Variants in IL1RAPL2 observed in about 807,000 individuals in gnomAD.
IL1RAPL2 encodes interleukin 1 receptor accessory protein like 2, also known as X-linked interleukin-1 receptor accessory protein-like 2.
Under a neutral mutation model 44.1 loss-of-function variants are expected in IL1RAPL2, and 3 were observed. The ratio of observed to expected loss-of-function variants is 0.07; its 90% CI spans 0.03 to 0.18. The LOEUF (loss-of-function observed/expected upper bound fraction) is 0.18, where lower values mean the gene tolerates loss of function less well. IL1RAPL2 is among the 10% of genes least tolerant of loss of function. The pLI is 1.00. For synonymous variants in IL1RAPL2, 181 were observed against 178.8 expected, an observed-to-expected ratio of 1.01 and a Z score of -0.10; for missense variants, 391 against 496.4, an observed-to-expected ratio of 0.79 and a Z score of 2.02.
chrX:105,424,930 C>T (rs1487831196), intron 5 of IL1RAPL2, among the ~76,000 whole-genome samples: 2 of 109,361 alleles, frequency 1.8e-5, no homozygotes, highest in African/African-American at 6.7e-5. Flanking sequence ...GGACATCACC[C>T]GGGGGAGTCC....
intron 2 of IL1RAPL2, among the ~76,000 whole-genome samples, chrX:104,730,955 G>A (rs1415106496): frequency 2.7e-5 from 3 of 111,103 alleles, no homozygotes; most frequent in African/African-American, 6.5e-5. Context: ...GTTTTGATTT[G>A]CATTTCTCTG....
intron 2 of IL1RAPL2, among the ~76,000 whole-genome samples, chrX:104,906,611 C>T (rs1223073313): frequency 8.9e-6 from 1 of 111,800 alleles, no homozygotes; most frequent in Non-Finnish European, 1.9e-5. Context: ...ATTACATTTA[C>T]TGATTTGCAT....
At chrX:104,896,263 C>T (rs763665377) in intron 2 of IL1RAPL2, among the ~76,000 whole-genome samples, 20 of 111,733 alleles carry the variant, frequency 1.8e-4, no homozygotes, top group Non-Finnish European at 3.0e-4. Flanking sequence ...GAATTGAGGC[C>T]GTCAAGCTAC....
At chrX:104,893,974 C>T (rs1175150292) in intron 2 of IL1RAPL2, among the ~76,000 whole-genome samples, 1 of 111,351 alleles carries the variant, frequency 9.0e-6, no homozygotes, top group South Asian at 3.8e-4. Flanking sequence ...TCTTTTAGGG[C>T]AGGTCTAGTG....
intron 3 of IL1RAPL2, among the ~76,000 whole-genome samples, chrX:105,232,443 A>C (rs1190984573): frequency 2.7e-5 from 3 of 111,976 alleles, no homozygotes; most frequent in African/African-American, 9.7e-5. Context: ...ACCCTTGGCA[A>C]TTTTAGTTTT....
chrX:104,876,629 C>A (rs1417934638), intron 2 of IL1RAPL2, among the ~76,000 whole-genome samples: 2 of 98,695 alleles, frequency 2.0e-5, no homozygotes, highest in South Asian at 9.6e-4. Flanking sequence ...CACACACAAC[C>A]AAATCACTGT....
At chrX:105,067,781 G>A (rs966501448) in intron 2 of IL1RAPL2, among the ~76,000 whole-genome samples, 17 of 111,357 alleles carry the variant, frequency 1.5e-4, no homozygotes, top group African/African-American at 4.9e-4. Flanking sequence ...AGACACACAC[G>A]CGTGCACACA....
chrX:105,661,991 A>G (rs2037723811), intron 6 of IL1RAPL2, among the ~76,000 whole-genome samples: 1 of 112,630 alleles, frequency 8.9e-6, no homozygotes, highest in African/African-American at 3.2e-5. Flanking sequence ...TTCAGATAAA[A>G]TGGCAGCAAT....
chrX:104,619,867 T>A (rs964288616), intron 1 of IL1RAPL2, among the ~76,000 whole-genome samples: 1 of 111,617 alleles, frequency 9.0e-6, no homozygotes, highest in Non-Finnish European at 1.9e-5. Context: ...GCAATGGAAA[T>A]GTTAAAGTGA....
intron 6 of IL1RAPL2, among the ~76,000 whole-genome samples, chrX:105,698,045 A>G (rs1418323758): frequency 9.0e-6 from 1 of 111,032 alleles, no homozygotes; most frequent in Non-Finnish European, 1.9e-5. Context: ...TTCCTACCAG[A>G]GATGTTTAAG....
chrX:104,804,898 T>C (rs1483491714), intron 2 of IL1RAPL2, among the ~76,000 whole-genome samples: 1 of 112,149 alleles, frequency 8.9e-6, no homozygotes, highest in African/African-American at 3.2e-5. Flanking sequence ...ACACAGGAGA[T>C]AAATAGTTCA....
At chrX:104,907,844 T>A (rs902690147) in intron 2 of IL1RAPL2, among the ~76,000 whole-genome samples, 8 of 110,398 alleles carry the variant, frequency 7.2e-5, no homozygotes, top group Non-Finnish European at 9.5e-5. Flanking sequence ...CTGACTTCAA[T>A]TCCTGGGTAT....
chrX:104,644,635 T>G (rs1929999523), intron 1 of IL1RAPL2, among the ~76,000 whole-genome samples: 1 of 111,324 alleles, frequency 9.0e-6, no homozygotes, highest in East Asian at 2.8e-4. Flanking sequence ...TTCTGGCTTC[T>G]TTCCCTAATC....
intron 5 of IL1RAPL2, among the ~76,000 whole-genome samples, chrX:105,475,898 C>G (rs1239528708): frequency 8.9e-6 from 1 of 112,160 alleles, no homozygotes; most frequent in African/African-American, 3.2e-5. Context: ...AGCTCATGCA[C>G]TGCTCAAAAC....
intron 3 of IL1RAPL2, among the ~76,000 whole-genome samples, chrX:105,210,346 C>T (rs112554639): frequency 9.0e-5 from 10 of 111,564 alleles, no homozygotes; most frequent in African/African-American, 3.3e-4. Flanking sequence ...TCTCATGCCC[C>T]CTACTCTACC....
chrX:104,887,474 G>A (rs1923282650), intron 2 of IL1RAPL2, among the ~76,000 whole-genome samples: 2 of 112,045 alleles, frequency 1.8e-5, no homozygotes, highest in Admixed American at 9.5e-5. Context: ...AGTTGCAGCA[G>A]TGGCCATCTT....
chrX:104,659,286 G>A (rs899608089), intron 2 of IL1RAPL2, among the ~76,000 whole-genome samples: 5 of 111,824 alleles, frequency 4.5e-5, no homozygotes, highest in African/African-American at 9.7e-5. Flanking sequence ...ATACCTGGGA[G>A]CAAACATTTA....
At chrX:105,483,593 A>G (rs2036246496) in intron 5 of IL1RAPL2, among the ~76,000 whole-genome samples, 1 of 111,034 alleles carries the variant, frequency 9.0e-6, no homozygotes, top group Non-Finnish European at 1.9e-5. Context: ...ACTTTCCCCA[A>G]ACCTTCCAGC....
intron 6 of IL1RAPL2, among the ~76,000 whole-genome samples, chrX:105,647,113 C>T (rs2037611684): frequency 8.9e-6 from 1 of 111,991 alleles, no homozygotes; most frequent in African/African-American, 3.2e-5. Context: ...CACTTAGCTG[C>T]ACAGGAACAA....
Sources: gnomAD v4.1 joint callset for allele counts (sites outside exome capture counted in the v4.1 genomes callset) on GRCh38, gnomAD v4.1.1 for gene constraint, MANE v1.5 for transcripts, NCBI Gene and HGNC (gene_info 2026-07-23, HGNC 2026-07-21) for gene names.